The following FAM107A variants were observed in gnomAD, a reference collection of about 807,000 sequenced individuals.
FAM107A encodes the protein actin-associated protein FAM107A.
Under a neutral mutation model 13.7 loss-of-function variants are expected in FAM107A, and 19 were observed. That is an observed-to-expected ratio of 1.38 (90% CI 0.97 to 2.03). The LOEUF is 2.03. Among genes scored for constraint, FAM107A ranks in the 30% most tolerant of loss-of-function variants. The probability of loss-of-function intolerance (pLI) is 0.00; values close to 1 mark genes in which losing one functional copy is unlikely to be tolerated. For missense variants in FAM107A, 203 were observed against 184.4 expected, an observed-to-expected ratio of 1.10 and a Z score of -0.58; for synonymous variants, 82 against 74.5, an observed-to-expected ratio of 1.10 and a Z score of -0.52.
At chr3:58,625,023 G>C (rs1188490056) in intron 1 of FAM107A, among the ~76,000 whole-genome samples, 1 of 150,974 alleles carries the variant, frequency 6.6e-6, no homozygotes, top group Non-Finnish European at 1.5e-5. Flanking sequence ...TGTGGACAGA[G>C]CTATGGACCA....
intron 1 of FAM107A, among the ~76,000 whole-genome samples, chr3:58,583,067 G>A (rs985751060): frequency 1.2e-4 from 18 of 152,158 alleles, no homozygotes; most frequent in African/African-American, 4.3e-4. Flanking sequence ...GCAGAGCGTT[G>A]GGATTACAGG....
chr3:58,574,844 C>G (rs375657618), intron 1 of FAM107A, among the ~76,000 whole-genome samples: 1 of 152,240 alleles, frequency 6.6e-6, no homozygotes, highest in East Asian at 1.9e-4. Flanking sequence ...GGATGTTGGC[C>G]CCACACCAGG....
intron 1 of FAM107A, among the ~76,000 whole-genome samples, chr3:58,583,099 G>A (rs1489608269): frequency 2.0e-5 from 3 of 152,086 alleles, no homozygotes; most frequent in South Asian, 2.1e-4. Flanking sequence ...GTGCCCGGCC[G>A]AGCATTCAAG....
intron 1 of FAM107A, among the ~76,000 whole-genome samples, chr3:58,585,980 A>AT (rs1487462912): frequency 1.3e-4 from 20 of 152,342 alleles, no homozygotes; most frequent in African/African-American, 3.8e-4. Context: ...AGCACCTATC[A>AT]TCCAACCCCC....
intron 2 of FAM107A, among the ~76,000 whole-genome samples, chr3:58,568,450 A>G (rs955610403): frequency 3.9e-5 from 6 of 152,126 alleles, no homozygotes; most frequent in African/African-American, 9.7e-5. Flanking sequence ...AAAAAAAAGA[A>G]AAAAAGAAAA....
intron 2 of FAM107A, 138 bp from the exon 3 acceptor site, chr3:58,567,502 TACTGTCCCATTTTAC>T: frequency 1.1e-6 from 1 of 939,912 alleles, no homozygotes; most frequent in Non-Finnish European, 1.6e-6. Flanking sequence ...GTGGACCCAT[TACTGTCCCATTTTAC>T]AGGGACAGAA....
At chr3:58,587,201 G>T, upstream of FAM107A, 1 of 984,572 alleles carries the variant, frequency 1.0e-6, no homozygotes, top group Non-Finnish European at 1.3e-6. Flanking sequence ...TCCTAGCCCC[G>T]AGGTTCCAGG....
chr3:58,587,035 G>A (rs2065614496), exon 1 of FAM107A: 4 of 1,373,104 alleles, frequency 2.9e-6, no homozygotes, highest in Admixed American at 6.8e-5. Flanking sequence ...CGGTGACGCG[G>A]CCCCAAGTCC....
At chr3:58,570,637 A>AGAGAGAGAGAGAGAG (rs1379854712) in intron 1 of FAM107A, among the ~76,000 whole-genome samples, 8 of 87,128 alleles carry the variant, frequency 9.2e-5, no homozygotes, top group Non-Finnish European at 1.3e-4. Context: ...GAGAGAGAGA[A>AGAGAGAGAGAGAGAG]AGAGACTGAC....
At chr3:58,594,626 C>G (rs2065683270) in intron 1 of FAM107A, among the ~76,000 whole-genome samples, 1 of 152,186 alleles carries the variant, frequency 6.6e-6, no homozygotes, top group South Asian at 2.1e-4. Flanking sequence ...CCTTACCTCC[C>G]AAAATCAATT....
At chr3:58,578,321 A>C (rs2063746887), upstream of FAM107A, among the ~76,000 whole-genome samples, 1 of 152,182 alleles carries the variant, frequency 6.6e-6, no homozygotes, top group African/African-American at 2.4e-5. Flanking sequence ...TAATCCCAGC[A>C]CTTTGGGAGG....
intron 1 of FAM107A, among the ~76,000 whole-genome samples, chr3:58,622,251 C>T (rs554379898): frequency 2.0e-5 from 3 of 152,142 alleles, no homozygotes; most frequent in African/African-American, 4.8e-5. Context: ...CCAGCCTGGC[C>T]AACATGACAA....
Position 58,596,407 on chromosome 3 carries a change from G to A in FAM107A, c.-69-7138C>T, listed in dbSNP as rs148827664. ...AAAATTGAGGTGTAGGCTGGGTGCG[G>A]TGGCTCACGCCTGTAATCCCAGCAC... On this transcript the variant is annotated intron_variant, in intron 1 of 3. Transcript: ENST00000465970. 4.1e-4 allele frequency among the ~76,000 whole-genome samples: 62 copies of A among 151,864 alleles called. No individual in the cohort carries two copies. The South Asian group carries it at 5.0e-3, about 12-fold the overall frequency.
intron 1 of FAM107A, among the ~76,000 whole-genome samples, chr3:58,595,118 C>T (rs2065686678): frequency 1.3e-5 from 2 of 152,108 alleles, no homozygotes; most frequent in Non-Finnish European, 2.9e-5. Flanking sequence ...ATCTCTCCCA[C>T]TCTAGGTTCC....
At chr3:58,610,096 T>C (rs4681875) in intron 1 of FAM107A, among the ~76,000 whole-genome samples, 134,807 of 152,186 alleles carry the variant, frequency 0.89, 59,755 homozygotes, top group Admixed American at 0.91. Flanking sequence ...GCAGCTGAAT[T>C]ACGTGCAGGA....
intron 1 of FAM107A, among the ~76,000 whole-genome samples, chr3:58,618,545 G>A (rs754726462): frequency 3.3e-5 from 5 of 152,258 alleles, no homozygotes; most frequent in East Asian, 1.9e-4. Flanking sequence ...CCTCTGAGGC[G>A]AATATTTTAT....
chr3:58,568,698 G>T (rs2063649701), intron 2 of FAM107A, among the ~76,000 whole-genome samples: 1 of 152,110 alleles, frequency 6.6e-6, no homozygotes, highest in Admixed American at 6.5e-5. Context: ...TAGGATATTG[G>T]TCACACAACT....
intron 1 of FAM107A, among the ~76,000 whole-genome samples, chr3:58,621,567 C>T (rs2065955249): frequency 6.6e-6 from 1 of 152,144 alleles, no homozygotes; most frequent in African/African-American, 2.4e-5. Flanking sequence ...ACACTGAGAC[C>T]CAAGGGCAAG....
chr3:58,610,348 C>A (rs2065841611), intron 1 of FAM107A, among the ~76,000 whole-genome samples: 1 of 152,206 alleles, frequency 6.6e-6, no homozygotes, highest in South Asian at 2.1e-4. Flanking sequence ...ACCCCTTACC[C>A]CCATCCATGA....
Sources: allele counts gnomAD v4.1 joint callset (sites outside exome capture counted in the v4.1 genomes callset), GRCh38; gene constraint gnomAD v4.1.1; transcripts MANE v1.5; gene names NCBI Gene and HGNC (gene_info 2026-07-23, HGNC 2026-07-21).